Variants in MVB12B observed in about 807,000 individuals in gnomAD.
The protein encoded by MVB12B is ESCRT-I complex subunit MVB12B.
In MVB12B, 16 loss-of-function variants were observed where a neutral mutation model predicts 41.6. That is an observed-to-expected ratio of 0.38 (90% CI 0.26 to 0.58). MVB12B has a LOEUF of 0.58. Among genes scored for constraint, MVB12B ranks in the 20% least tolerant of loss-of-function variants. The pLI, the probability that MVB12B is intolerant of heterozygous loss-of-function variation, is 0.62. For synonymous variants in MVB12B, 133 were observed against 139.7 expected, an observed-to-expected ratio of 0.95 and a Z score of 0.34; for missense variants, 274 against 380.2, an observed-to-expected ratio of 0.72 and a Z score of 2.32.
chr9:126,461,607 A>G (rs1439550920), intron 7 of MVB12B, among the ~76,000 whole-genome samples: 1 of 152,238 alleles, frequency 6.6e-6, no homozygotes, highest in Non-Finnish European at 1.5e-5. Flanking sequence ...TTAATGTTCA[A>G]AGCAATAAAG....
chr9:126,434,633 T>C (rs1468677), intron 7 of MVB12B, among the ~76,000 whole-genome samples: 151,642 of 152,346 alleles, frequency 1, 75,477 homozygotes, highest in Middle Eastern at 1. Flanking sequence ...ATATGCCCTG[T>C]GTAGCAAAAC....
chr9:126,502,665 C>T (rs1288244993), intron 9 of MVB12B, among the ~76,000 whole-genome samples: 1 of 152,138 alleles, frequency 6.6e-6, no homozygotes, highest in Non-Finnish European at 1.5e-5. Context: ...CAGTGGAGGC[C>T]CCTCCCATGA....
At chr9:126,358,449 T>C (rs957981714) in intron 2 of MVB12B, among the ~76,000 whole-genome samples, 2 of 152,208 alleles carry the variant, frequency 1.3e-5, no homozygotes, top group Admixed American at 1.3e-4. Flanking sequence ...ATGGATGTGG[T>C]ACATCTCTTC....
intron 1 of MVB12B, among the ~76,000 whole-genome samples, chr9:126,337,458 T>C (rs992372851): frequency 2.6e-5 from 4 of 152,246 alleles, no homozygotes; most frequent in African/African-American, 9.6e-5. Flanking sequence ...GCTTGACTTA[T>C]TGAGCTGTGG....
chr9:126,372,959 G>A (rs1830382232), intron 2 of MVB12B, among the ~76,000 whole-genome samples: 1 of 152,138 alleles, frequency 6.6e-6, no homozygotes, highest in South Asian at 2.1e-4. Context: ...CTGAGAAGGA[G>A]AACTAGAGTG....
intron 1 of MVB12B, among the ~76,000 whole-genome samples, chr9:126,332,425 A>G (rs1055744590): frequency 6.6e-6 from 1 of 152,200 alleles, no homozygotes; most frequent in Non-Finnish European, 1.5e-5. Context: ...CTGTGCTTCT[A>G]CAAGCTCTCC....
At chr9:126,461,196 T>G (rs919009722) in intron 7 of MVB12B, among the ~76,000 whole-genome samples, 4 of 152,218 alleles carry the variant, frequency 2.6e-5, no homozygotes, top group Non-Finnish European at 4.4e-5. Context: ...CCAGTTCCAT[T>G]GTCCCCACCT....
At chr9:126,458,075 G>A (rs556158384) in intron 7 of MVB12B, among the ~76,000 whole-genome samples, 1 of 152,116 alleles carries the variant, frequency 6.6e-6, no homozygotes, top group Non-Finnish European at 1.5e-5. Context: ...TCACCACGGG[G>A]CAACCTTGAC....
At chr9:126,492,312 T>G (rs928507097) in intron 9 of MVB12B, among the ~76,000 whole-genome samples, 2 of 151,754 alleles carry the variant, frequency 1.3e-5, no homozygotes, top group Non-Finnish European at 2.9e-5. Context: ...ATTGACTGAC[T>G]TTTGAGGTGC....
At chr9:126,476,484 G>A (rs1833422097) in intron 7 of MVB12B, among the ~76,000 whole-genome samples, 1 of 152,224 alleles carries the variant, frequency 6.6e-6, no homozygotes, top group Admixed American at 6.5e-5. Context: ...GGCTAAGGGA[G>A]GGCCTTGTCC....
At chr9:126,350,275 C>T (rs1829711760) in intron 2 of MVB12B, among the ~76,000 whole-genome samples, 1 of 152,088 alleles carries the variant, frequency 6.6e-6, no homozygotes, top group Admixed American at 6.5e-5. Context: ...AATATTTCTC[C>T]TAGTCTTTAC....
chr9:126,335,446 TTG>T, intron 1 of MVB12B: 2 of 1,292,726 alleles, frequency 1.5e-6, no homozygotes, highest in Non-Finnish European at 2.0e-6. Flanking sequence ...GTGGCTGGGT[TTG>T]TGTGTGTGGT....
chr9:126,384,523 A>T (rs1399399308), intron 3 of MVB12B, among the ~76,000 whole-genome samples: 1 of 151,644 alleles, frequency 6.6e-6, no homozygotes, highest in African/African-American at 2.4e-5. Context: ...AACTTGATAT[A>T]TGTGTGTGTG....
chr9:126,458,660 G>A (rs1833033728), intron 7 of MVB12B, among the ~76,000 whole-genome samples: 1 of 152,150 alleles, frequency 6.6e-6, no homozygotes, highest in African/African-American at 2.4e-5. Context: ...AGCAGCCCTG[G>A]CTTATTGGTA....
At chr9:126,400,549 G>A (rs898801008) in intron 6 of MVB12B, among the ~76,000 whole-genome samples, 4 of 152,246 alleles carry the variant, frequency 2.6e-5, no homozygotes, top group Admixed American at 2.6e-4. Flanking sequence ...ATTCAGGTTC[G>A]GCAGAACTAC....
At chr9:126,448,656 G>A (rs1240395640) in intron 7 of MVB12B, among the ~76,000 whole-genome samples, 1 of 152,176 alleles carries the variant, frequency 6.6e-6, no homozygotes, top group Non-Finnish European at 1.5e-5. Context: ...GGAAGCCGAT[G>A]TATCACATGG....
chr9:126,449,312 C>T (rs1019157776), intron 7 of MVB12B, among the ~76,000 whole-genome samples: 9 of 152,210 alleles, frequency 5.9e-5, no homozygotes, highest in African/African-American at 1.4e-4. Flanking sequence ...TGAGAAGGCT[C>T]GGTGGCCGCA....
At chr9:126,350,476 C>G (rs144684403) in intron 2 of MVB12B, among the ~76,000 whole-genome samples, 1 of 152,194 alleles carries the variant, frequency 6.6e-6, no homozygotes, top group Admixed American at 6.5e-5. Flanking sequence ...TTAACACTTA[C>G]GTCTGTGATC....
intron 2 of MVB12B, among the ~76,000 whole-genome samples, chr9:126,377,801 C>T (rs1370423082): frequency 1.3e-5 from 2 of 152,210 alleles, no homozygotes; most frequent in African/African-American, 4.8e-5. Context: ...GAGATTGGCA[C>T]AGAGCCCCGG....
Sources: allele counts gnomAD v4.1 joint callset (sites outside exome capture counted in the v4.1 genomes callset), GRCh38; gene constraint gnomAD v4.1.1; transcripts MANE v1.5; gene names NCBI Gene and HGNC (gene_info 2026-07-23, HGNC 2026-07-21).